The following WDFY3 variants were observed in gnomAD, a reference collection of about 807,000 sequenced individuals.
WDFY3 encodes WD repeat and FYVE domain-containing protein 3.
In WDFY3, 66 loss-of-function variants were observed where a neutral mutation model predicts 409.6. The observed-to-expected ratio is 0.16, with a 90% CI of 0.13 to 0.20. The LOEUF is 0.20. Ranked by LOEUF, WDFY3 falls within the 10% of genes least tolerant of loss-of-function variation. The pLI, the probability that WDFY3 is intolerant of heterozygous loss-of-function variation, is 1.00. For synonymous variants in WDFY3, 1,521 were observed against 1,537.1 expected (o/e 0.99, Z 0.25); for missense variants, 3,031 against 4,298.1 (o/e 0.71, Z 8.24).
At chr4:84,853,989 ACAGAAGAC>A (rs1421660827) in intron 4 of WDFY3, among the ~76,000 whole-genome samples, 2 of 152,194 alleles carry the variant, frequency 1.3e-5, no homozygotes, top group Admixed American at 1.3e-4. Flanking sequence ...ACATTTTAGC[ACAGAAGAC>A]CAGTGGTAAA....
intron 1 of WDFY3, among the ~76,000 whole-genome samples, chr4:84,958,931 A>T (rs9306985): frequency 1 from 152,298 of 152,298 alleles, 76,149 homozygotes; most frequent in Non-Finnish European, 1. Flanking sequence ...TAAATGGCAA[A>T]CCCACCCATA....
At chr4:84,733,116 A>G (rs1343558224) in intron 44 of WDFY3, among the ~76,000 whole-genome samples, 3 of 152,202 alleles carry the variant, frequency 2.0e-5, no homozygotes, top group East Asian at 3.9e-4. Context: ...TAACCCAGCT[A>G]TAATAGCAAA....
chr4:84,816,062 T>G (rs929952458), intron 13 of WDFY3, among the ~76,000 whole-genome samples: 1 of 152,122 alleles, frequency 6.6e-6, no homozygotes, highest in African/African-American at 2.4e-5. Context: ...CTTTGATCTC[T>G]TCTTTACTTT....
rs915666844 is a variant in WDFY3, at chr4:84,718,526, G to A, written c.7650C>T (p.Thr2550=). The A allele has an allele frequency of 1.9e-6, 3 of 1,613,864 alleles. No homozygotes were observed. Among genetic ancestry groups the A allele is most frequent in the Non-Finnish European group, 2.5e-6 (3 of 1,179,962 alleles). The change falls in exon 48 of 68, where the codon ACC becomes ACT. Residue 2550 remains threonine, a synonymous_variant. Transcript: ENST00000295888. ...YRCARVQGLD[T]SEGLLLFGKE... ...TACCAAAAAGAAGGAGCCCCTCACT[G>A]GTATCTAGGCCCTGGACTCGAGCAC...
intron 52 of WDFY3, 73 bp from the exon 53 acceptor site, chr4:84,709,101 A>C: frequency 6.4e-7 from 1 of 1,570,150 alleles, no homozygotes; most frequent in Admixed American, 1.8e-5. Flanking sequence ...AATTTTATAT[A>C]CAAAATGATG....
At chr4:84,690,779 C>T (rs1729130587) in intron 60 of WDFY3, 115 bp from the exon 61 acceptor site, 1 of 1,290,838 alleles carries the variant, frequency 7.7e-7, no homozygotes, top group Non-Finnish European at 1.0e-6. Context: ...AATAGCGGCT[C>T]ATGTTCTGAG....
At chr4:84,863,723 G>C (rs530792850) in intron 3 of WDFY3, among the ~76,000 whole-genome samples, 1 of 152,186 alleles carries the variant, frequency 6.6e-6, no homozygotes, top group Non-Finnish European at 1.5e-5. Flanking sequence ...TGTTGTATAT[G>C]GTGTAAAATA....
Position 84,829,172 on chromosome 4 carries a change from G to A in WDFY3, c.788C>T (p.Thr263Ile). ...KYIHEKECLS[T>I]CVQNMQQSDD... Reference sequence around the variant, plus strand: ...TGATTGCTGCATATTCTGAACACATGTAGATAAACACTCTTTCTCTGTAAG... The same window carrying A: ...TGATTGCTGCATATTCTGAACACATATAGATAAACACTCTTTCTCTGTAAG... Residue 263 changes from threonine to isoleucine, a missense_variant, in exon 9 of 68, where the codon ACA (threonine) becomes ATA (isoleucine). By Grantham distance (89) the Thr-to-Ile change is moderately conservative. Transcript: ENST00000295888. 1 of 1,591,984 alleles carries A rather than the reference G, an allele frequency of 6.3e-7. No individual in the cohort carries two copies. Among genetic ancestry groups the A allele is most frequent in the Non-Finnish European group, 8.6e-7 (1 of 1,167,758 alleles).
chr4:84,872,153 G>A (rs746645636), intron 3 of WDFY3, among the ~76,000 whole-genome samples: 1 of 152,026 alleles, frequency 6.6e-6, no homozygotes, highest in Non-Finnish European at 1.5e-5. Flanking sequence ...GGTGAATGCT[G>A]GCATCTAGGG....
chr4:84,918,786 C>T (rs1312424331), intron 2 of WDFY3, among the ~76,000 whole-genome samples: 1 of 149,688 alleles, frequency 6.7e-6, no homozygotes, highest in Non-Finnish European at 1.5e-5. Flanking sequence ...CATATACATG[C>T]AAACACATGC....
At position 84,774,848 on chromosome 4, in the gene WDFY3, C is replaced by T. The variant is rs1490199150; in HGVS notation, c.4726G>A (p.Gly1576Ser). 1 of 1,612,154 alleles carries T rather than the reference C, an allele frequency of 6.2e-7. No homozygotes were observed. The highest frequency in any genetic ancestry group is 8.5e-7 in the Non-Finnish European group (1 of 1,179,416). ...AGCAGATCATTGCTGCTAGGAAAAC[C>T]TTGCAGTAAGAAGCTCAGGACATTA... ...ISNVLSFLLQ[G>S]FPSSNDLLRF... is the part of the protein sequence containing the mutation. Residue 1576 changes from glycine to serine, a missense_variant, in exon 29 of 68, where the codon GGT becomes AGT. Transcript: ENST00000295888.
chr4:84,718,670 A>T, intron 47 of WDFY3, 100 bp from the exon 48 acceptor site: 1 of 1,375,720 alleles, frequency 7.3e-7, no homozygotes, highest in East Asian at 2.3e-5. Context: ...ATATTAAATC[A>T]GAGTTTAAGC....
At chr4:84,819,960 G>A in intron 12 of WDFY3, 125 bp downstream of exon 12, 1 of 791,690 alleles carries the variant, frequency 1.3e-6, no homozygotes. Context: ...GACATGACGG[G>A]TACCATCACT....
chr4:84,840,719 G>T (rs2150024830), intron 6 of WDFY3, among the ~76,000 whole-genome samples: 1 of 151,936 alleles, frequency 6.6e-6, no homozygotes, highest in Non-Finnish European at 1.5e-5. Flanking sequence ...TGGGACTTCA[G>T]GTGCAGGCCA....
intron 1 of WDFY3, among the ~76,000 whole-genome samples, chr4:84,960,493 T>C (rs1421044672): frequency 6.6e-6 from 1 of 152,182 alleles, no homozygotes; most frequent in Non-Finnish European, 1.5e-5. Context: ...TACGAACAAA[T>C]GTATGAATCA....
intron 2 of WDFY3, among the ~76,000 whole-genome samples, chr4:84,907,662 T>C (rs1767218794): frequency 6.6e-6 from 1 of 152,196 alleles, no homozygotes; most frequent in Non-Finnish European, 1.5e-5. Context: ...TGCTTGGCTT[T>C]TCTTAAGCGA....
At chr4:84,837,112 A>T in intron 6 of WDFY3, 22 bp from the exon 7 acceptor site, 1 of 1,484,484 alleles carries the variant, frequency 6.7e-7, no homozygotes, top group Non-Finnish European at 9.0e-7. Context: ...GCCAATAAAT[A>T]AGTGAATAGA....
intron 2 of WDFY3, among the ~76,000 whole-genome samples, chr4:84,918,840 C>CACACACTATATATATAT (rs1561075121): frequency 6.2e-5 from 8 of 128,338 alleles, no homozygotes; most frequent in African/African-American, 1.7e-4. Context: ...TATATATATA[C>CACACACTATATATATAT]ACACACACAC....
chr4:84,679,614 T>G (rs144111996), intron 64 of WDFY3, among the ~76,000 whole-genome samples: 145 of 152,228 alleles, frequency 9.5e-4, no homozygotes, highest in African/African-American at 3.3e-3. Flanking sequence ...CTTCACATGC[T>G]GCTGGTGCCG....
Sources: gnomAD v4.1 joint callset for allele counts (sites outside exome capture counted in the v4.1 genomes callset) on GRCh38, gnomAD v4.1.1 for gene constraint, MANE v1.5 for transcripts, NCBI Gene and HGNC (gene_info 2026-07-23, HGNC 2026-07-21) for gene names.